ADAMTSL3: variants seen among roughly 807,000 people sequenced by gnomAD.
The protein encoded by ADAMTSL3 is ADAMTS-like protein 3.
ADAMTSL3 carries 128 observed loss-of-function variants against 201.7 expected under a neutral mutation model. That is an observed-to-expected ratio of 0.63 (90% CI 0.55 to 0.73). The LOEUF is 0.73. Among genes scored for constraint, ADAMTSL3 ranks in the 30% least tolerant of loss-of-function variants. The probability of loss-of-function intolerance (pLI) is 0.00; values close to 1 mark genes in which losing one functional copy is unlikely to be tolerated. For synonymous variants in ADAMTSL3, 738 were observed against 748.4 expected, an observed-to-expected ratio of 0.99 and a Z score of 0.23; for missense variants, 1,990 against 2,119.6, an observed-to-expected ratio of 0.94 and a Z score of 1.20.
In ADAMTSL3 at chr15:83,773,557, A is replaced by T; in HGVS notation, c.224A>T (p.Asp75Val). 1 of 1,614,050 alleles carries T rather than the reference A, an allele frequency of 6.2e-7. No individual in the cohort carries two copies. The highest frequency in any genetic ancestry group is 8.5e-7 in the Non-Finnish European group (1 of 1,179,976). ...SRNTRSDEDK[D>V]GNWDAWGDWS... ...AACACTCGTTCAGATGAAGACAAAG[A>T]TGGCAACTGGGATGCTTGGGGCGAC... Residue 75 changes from aspartate (D) to valine (V), a missense_variant, in exon 4 of 30, where the codon GAT (aspartate) becomes GTT (valine). By Grantham distance (152) the Asp-to-Val change is radical (BLOSUM62 -3). Coordinates refer to ENST00000286744, the MANE Select transcript of ADAMTSL3 (RefSeq NM_207517.3).
At chr15:83,795,263 GCAACAACAACAA>G (rs58698546) in intron 4 of ADAMTSL3, among the ~76,000 whole-genome samples, 1 of 150,894 alleles carries the variant, frequency 6.6e-6, no homozygotes, top group Non-Finnish European at 1.5e-5. Flanking sequence ...AACAGCAGCA[GCAACAACAACAA>G]CAACAACAAC....
chr15:83,698,038 G>A (rs1194920930), intron 2 of ADAMTSL3, among the ~76,000 whole-genome samples: 1 of 152,002 alleles, frequency 6.6e-6, no homozygotes, highest in Admixed American at 6.5e-5. Flanking sequence ...AAATCACAAA[G>A]CCTTAGGAGC....
At chr15:83,785,651 C>A (rs1423478161) in intron 4 of ADAMTSL3, among the ~76,000 whole-genome samples, 2 of 152,202 alleles carry the variant, frequency 1.3e-5, no homozygotes, top group East Asian at 3.9e-4. Context: ...AGATTTAGAT[C>A]CTTCTCTATG....
At chr15:83,910,573 C>T (rs1473954082) in intron 15 of ADAMTSL3, among the ~76,000 whole-genome samples, 2 of 148,178 alleles carry the variant, frequency 1.3e-5, no homozygotes, top group Non-Finnish European at 3.0e-5. Context: ...TTGAAATATA[C>T]AGAAAAACTA....
At chr15:83,684,875 T>C (rs1567070714) in intron 2 of ADAMTSL3, among the ~76,000 whole-genome samples, 1 of 152,172 alleles carries the variant, frequency 6.6e-6, no homozygotes, top group Non-Finnish European at 1.5e-5. Flanking sequence ...GTGGAATTGC[T>C]GGGGGAAATG....
At chr15:83,738,496 G>C (rs2062403181) in intron 3 of ADAMTSL3, among the ~76,000 whole-genome samples, 1 of 152,076 alleles carries the variant, frequency 6.6e-6, no homozygotes. Context: ...TTGTTTGTTT[G>C]TGGCAAGGAT....
At chr15:83,899,447 A>G (rs1268419418) in intron 14 of ADAMTSL3, among the ~76,000 whole-genome samples, 200 bp from the exon 15 acceptor site, 2 of 152,180 alleles carry the variant, frequency 1.3e-5, no homozygotes, top group African/African-American at 2.4e-5. Context: ...CATTTTAATA[A>G]TGTATTAATT....
At chr15:83,839,134 T>G (rs1327524874) in intron 7 of ADAMTSL3, among the ~76,000 whole-genome samples, 3 of 152,216 alleles carry the variant, frequency 2.0e-5, no homozygotes, top group Non-Finnish European at 2.9e-5. Flanking sequence ...GAATACCCCC[T>G]TGTTGGTGGT....
intron 19 of ADAMTSL3, among the ~76,000 whole-genome samples, chr15:83,949,346 T>C (rs763165130): frequency 1.3e-5 from 2 of 152,214 alleles, no homozygotes; most frequent in Non-Finnish European, 2.9e-5. Flanking sequence ...GATCTCATTC[T>C]TTTTTATGGC....
At chr15:83,951,956 A>C (rs1258453254) in intron 19 of ADAMTSL3, among the ~76,000 whole-genome samples, 1 of 152,122 alleles carries the variant, frequency 6.6e-6, no homozygotes, top group Non-Finnish European at 1.5e-5. Context: ...CAAAAAACCA[A>C]CTTTTTGGTT....
intron 26 of ADAMTSL3, 55 bp from the exon 27 acceptor site, chr15:84,025,183 C>T: frequency 6.8e-7 from 1 of 1,465,336 alleles, no homozygotes; most frequent in Non-Finnish European, 9.2e-7. Context: ...TGAGACGCCC[C>T]CTCTAAGATC....
At chr15:83,757,479 C>A (rs897181959) in intron 3 of ADAMTSL3, among the ~76,000 whole-genome samples, 2 of 152,214 alleles carry the variant, frequency 1.3e-5, no homozygotes, top group African/African-American at 2.4e-5. Flanking sequence ...CCCTAGGCTG[C>A]ACACAGCAGG....
intron 2 of ADAMTSL3, among the ~76,000 whole-genome samples, chr15:83,693,186 A>T (rs1479227806): frequency 6.6e-6 from 1 of 152,166 alleles, no homozygotes; most frequent in Non-Finnish European, 1.5e-5. Flanking sequence ...CAAGAACGTC[A>T]TGTCTGCATA....
intron 8 of ADAMTSL3, among the ~76,000 whole-genome samples, chr15:83,865,824 G>A (rs895419391): frequency 3.3e-5 from 5 of 152,100 alleles, no homozygotes; most frequent in Admixed American, 3.3e-4. Context: ...GAGTGAACAG[G>A]CAACCTACAG....
intron 6 of ADAMTSL3, among the ~76,000 whole-genome samples, chr15:83,837,333 A>G (rs1451415814): frequency 2.0e-5 from 3 of 149,678 alleles, no homozygotes; most frequent in East Asian, 2.0e-4. Context: ...GTAAAAACAG[A>G]AAAAAAAAAG....
chr15:83,819,223 CCACTG>C (rs2063817448), intron 5 of ADAMTSL3, among the ~76,000 whole-genome samples: 2 of 149,878 alleles, frequency 1.3e-5, no homozygotes, highest in African/African-American at 4.9e-5. Flanking sequence ...GTGAGCCGAG[CCACTG>C]CACTCCAGCC....
At chr15:83,808,511 C>T (rs568715393) in intron 5 of ADAMTSL3, among the ~76,000 whole-genome samples, 199 of 152,230 alleles carry the variant, frequency 1.3e-3, no homozygotes, top group African/African-American at 4.6e-3. Context: ...GAAAAGGGAA[C>T]CCTTATTGCT....
chr15:83,876,519 A>G (rs1172771619), intron 9 of ADAMTSL3, among the ~76,000 whole-genome samples: 1 of 152,198 alleles, frequency 6.6e-6, no homozygotes, highest in Non-Finnish European at 1.5e-5. Flanking sequence ...AATGTAGTTT[A>G]TCAGCCTTTA....
At chr15:83,696,831 A>G (rs1352760587) in intron 2 of ADAMTSL3, among the ~76,000 whole-genome samples, 1 of 152,150 alleles carries the variant, frequency 6.6e-6, no homozygotes. Flanking sequence ...GCATATCCTG[A>G]TAAATGGAGT....
Sources: gnomAD v4.1 joint callset for allele counts (sites outside exome capture counted in the v4.1 genomes callset) on GRCh38, gnomAD v4.1.1 for gene constraint, MANE v1.5 for transcripts, NCBI Gene and HGNC (gene_info 2026-07-23, HGNC 2026-07-21) for gene names.